GLRX3: variants seen among roughly 807,000 people sequenced by gnomAD.
GLRX3 encodes glutaredoxin 3, also known as glutaredoxin-3.
In GLRX3, 22 loss-of-function variants were observed where a neutral mutation model predicts 49.5. That is an observed-to-expected ratio of 0.44 (90% CI 0.32 to 0.63). GLRX3 has a LOEUF of 0.63. GLRX3 is among the 30% of genes least tolerant of loss of function. GLRX3 has a pLI of 0.05. For synonymous variants in GLRX3, 133 were observed against 140.0 expected (o/e 0.95, Z 0.35); for missense variants, 385 against 396.3 (o/e 0.97, Z 0.24).
downstream of GLRX3, chr10:130,180,193 G>A (rs1471545883): frequency 6.6e-6 from 1 of 151,610 alleles, no homozygotes; most frequent in Non-Finnish European, 1.5e-5. Context: ...TCGGGGCCAA[G>A]CGATCCTCCT....
intron 2 of GLRX3, 63 bp downstream of exon 2, chr10:130,145,382 G>A (rs1862252137): frequency 3.6e-6 from 3 of 825,420 alleles, no homozygotes; most frequent in Non-Finnish European, 6.3e-6. Context: ...TTAGATTAGG[G>A]CTGGGTGCGG....
chr10:130,141,742 T>C (rs1862179310), intron 1 of GLRX3, among the ~76,000 whole-genome samples: 1 of 152,206 alleles, frequency 6.6e-6, no homozygotes, highest in Admixed American at 6.5e-5. Flanking sequence ...TTTGATTTAT[T>C]ATGTATAGGG....
intron 1 of GLRX3, among the ~76,000 whole-genome samples, chr10:130,136,798 C>T (rs1004200782): frequency 2.0e-5 from 3 of 152,094 alleles, no homozygotes; most frequent in East Asian, 1.9e-4. Flanking sequence ...GCCCGGGGGA[C>T]GCGACCTTCC....
chr10:130,168,952 G>A (rs1291599704), intron 6 of GLRX3, among the ~76,000 whole-genome samples: 2 of 152,220 alleles, frequency 1.3e-5, no homozygotes, highest in Non-Finnish European at 2.9e-5. Context: ...AACATGTTAA[G>A]ATGAGAGAAT....
intron 2 of GLRX3, among the ~76,000 whole-genome samples, chr10:130,156,041 C>T (rs1435912007): frequency 6.6e-6 from 1 of 152,156 alleles, no homozygotes; most frequent in Non-Finnish European, 1.5e-5. Flanking sequence ...CAGAGACACA[C>T]TGTCTGCCTA....
At chr10:130,146,753 A>G (rs1245735299) in intron 2 of GLRX3, among the ~76,000 whole-genome samples, 1 of 152,214 alleles carries the variant, frequency 6.6e-6, no homozygotes, top group Non-Finnish European at 1.5e-5. Context: ...ATGTTACCCA[A>G]TATACTCATA....
intron 1 of GLRX3, among the ~76,000 whole-genome samples, chr10:130,143,903 T>A (rs921244886): frequency 2.2e-4 from 33 of 152,092 alleles, no homozygotes; most frequent in Admixed American, 7.9e-4. Flanking sequence ...TTCACCACAT[T>A]AGCCAGGCTG....
At position 130,175,059 on chromosome 10, in the gene GLRX3, G is replaced by C. The variant is rs571248846; in HGVS notation, c.927G>C (p.Gly309=). The part of the protein sequence containing the change: ...WPTYPQLYVK[G]ELVGGLDIVK... ...CATACCCTCAGCTGTATGTGAAAGG[G>C]GAGCTGGTGGGAGGATTGGATATTG... is the stretch of plus-strand genomic sequence containing the variant. Residue 309 remains glycine, a synonymous_variant, in exon 10 of 11, where the codon GGG becomes GGC. Coordinates refer to ENST00000331244, the MANE Select transcript of GLRX3 (RefSeq NM_006541.5). The C allele has an allele frequency of 1.4e-5, 23 of 1,588,016 alleles. 1 individual carries two copies. In the South Asian group the frequency reaches 2.3e-4, roughly 16 times the overall value.
chr10:130,159,806 G>A, intron 2 of GLRX3, 189 bp from the exon 3 acceptor site: 1 of 1,346,306 alleles, frequency 7.4e-7, no homozygotes, highest in African/African-American at 1.5e-5. Flanking sequence ...TTTTGACACT[G>A]CAAACTCAGT....
intron 2 of GLRX3, among the ~76,000 whole-genome samples, chr10:130,146,292 G>A (rs1421997476): frequency 6.6e-6 from 1 of 152,194 alleles, no homozygotes; most frequent in Non-Finnish European, 1.5e-5. Context: ...TCAGGAAGGG[G>A]TATGTAAATG....
intron 6 of GLRX3, 130 bp downstream of exon 6, chr10:130,167,110 T>A (rs1184472451): frequency 3.8e-6 from 2 of 527,250 alleles, no homozygotes; most frequent in Non-Finnish European, 6.6e-6. Context: ...CATAATTGTT[T>A]AGTCACATTA....
At chr10:130,177,044 G>A (rs554306006) in intron 10 of GLRX3, among the ~76,000 whole-genome samples, 1 of 152,242 alleles carries the variant, frequency 6.6e-6, no homozygotes, top group East Asian at 1.9e-4. Context: ...TTTGAAATGT[G>A]TGATATTGTT....
rs763352479 is a variant in GLRX3, at chr10:130,160,867, A to T, written c.348A>T (p.Ala116=). The T allele has an allele frequency of 1.2e-6, 2 of 1,610,738 alleles. No individual in the cohort carries two copies. Among genetic ancestry groups the T allele is most frequent in the East Asian group, 2.2e-5 (1 of 44,864 alleles). ...TGACCAAAAAAGTTCAGCGACATGC[A>T]TCTAGTGGCTCCTTCCTACCCAGCG... The part of the protein sequence containing the change: ...PELTKKVQRH[A]SSGSFLPSAN... The change falls in exon 4 of 11, where the codon GCA becomes GCT. Residue 116 remains alanine, a synonymous_variant. Transcript: ENST00000331244.
intron 1 of GLRX3, among the ~76,000 whole-genome samples, chr10:130,137,820 C>T (rs925532706): frequency 3.2e-4 from 48 of 151,910 alleles, no homozygotes; most frequent in African/African-American, 1.2e-3. Flanking sequence ...CTGCAGCCTC[C>T]GCCTCCCAGG....
intron 1 of GLRX3, among the ~76,000 whole-genome samples, chr10:130,142,953 G>C (rs1862202626): frequency 6.6e-6 from 1 of 152,202 alleles, no homozygotes; most frequent in Admixed American, 6.5e-5. Flanking sequence ...ACCCTTTGCG[G>C]TGTGGTGCTG....
intron 2 of GLRX3, among the ~76,000 whole-genome samples, chr10:130,155,278 G>T (rs1449361913): frequency 6.6e-6 from 1 of 152,190 alleles, no homozygotes; most frequent in Non-Finnish European, 1.5e-5. Context: ...GCAGGCAGGG[G>T]TCAGTGACCT....
chr10:130,170,369 A>G (rs1411072326), intron 7 of GLRX3, among the ~76,000 whole-genome samples: 2 of 152,242 alleles, frequency 1.3e-5, no homozygotes, highest in South Asian at 2.1e-4. Context: ...AATACTTCAC[A>G]GGGCAGACTC....
chr10:130,165,513 G>A (rs987357167), intron 4 of GLRX3, among the ~76,000 whole-genome samples: 2 of 152,112 alleles, frequency 1.3e-5, no homozygotes, highest in South Asian at 2.1e-4. Flanking sequence ...ATACTTTAGG[G>A]AATGTAAATA....
rs1342167742 is a variant in GLRX3, at chr10:130,145,260, C to G, written c.142C>G (p.Gln48Glu). Residue 48 changes from glutamine to glutamate, a missense_variant, in exon 2 of 11, where the codon CAG (glutamine) becomes GAG (glutamate). By Grantham distance (29) the Gln-to-Glu change is conservative. Coordinates refer to ENST00000331244, the MANE Select transcript of GLRX3 (RefSeq NM_006541.5). ...GGCACCATGGGCTCCACAGTGTGCA[C>G]AGATGAACGAAGTTATGGCAGAGTT... is the stretch of plus-strand genomic sequence containing the variant. ...FWAPWAPQCA[Q>E]MNEVMAELAK... 1.3e-6 allele frequency: 2 copies of G among 1,583,188 alleles called. No individual in the cohort carries two copies. The highest frequency in any genetic ancestry group is 2.2e-5 in the East Asian group (1 of 44,692).
Sources: allele counts gnomAD v4.1 joint callset (sites outside exome capture counted in the v4.1 genomes callset), GRCh38; gene constraint gnomAD v4.1.1; transcripts MANE v1.5; gene names NCBI Gene and HGNC (gene_info 2026-07-23, HGNC 2026-07-21).